CTCF: variants seen among roughly 807,000 people sequenced by gnomAD.
CTCF encodes CCCTC-binding factor.
Under a neutral mutation model 72.3 loss-of-function variants are expected in CTCF, and 7 were observed. The ratio of observed to expected loss-of-function variants is 0.10; its 90% CI spans 0.06 to 0.18. The LOEUF is 0.18. CTCF is among the 10% of genes least tolerant of loss of function. CTCF has a pLI of 1.00. For synonymous variants in CTCF, 374 were observed against 315.8 expected, an observed-to-expected ratio of 1.18 and a Z score of -1.95; for missense variants, 516 against 949.1, an observed-to-expected ratio of 0.54 and a Z score of 6.00.
chr16:67,610,709 T>C (rs1328874457), intron 2 of CTCF, 115 bp from the exon 3 acceptor site: 29 of 709,916 alleles, frequency 4.1e-5, no homozygotes, highest in Non-Finnish European at 5.9e-5. Flanking sequence ...TTTTTTAATA[T>C]TAACAACCAT....
intron 2 of CTCF, among the ~76,000 whole-genome samples, chr16:67,576,157 A>AAC (rs2051493658): frequency 6.6e-6 from 1 of 151,472 alleles, no homozygotes; most frequent in African/African-American, 2.4e-5. Flanking sequence ...AAAAAAAAAA[A>AAC]AAAAACGGAA....
chr16:67,613,547 G>C (rs1191564587), intron 4 of CTCF, among the ~76,000 whole-genome samples: 1 of 152,122 alleles, frequency 6.6e-6, no homozygotes, highest in East Asian at 1.9e-4. Flanking sequence ...TCCAATGGGG[G>C]GTAGATGACC....
At chr16:67,628,105 C>A (rs966699935) in intron 8 of CTCF, among the ~76,000 whole-genome samples, 15 of 151,262 alleles carry the variant, frequency 9.9e-5, no homozygotes, top group Non-Finnish European at 1.6e-4. Flanking sequence ...AAAAAAAAAA[C>A]AAAAAAAATT....
chr16:67,636,927 T>C (rs2052439265), intron 11 of CTCF, 76 bp downstream of exon 11: 2 of 1,294,140 alleles, frequency 1.5e-6, no homozygotes, highest in Non-Finnish European at 2.0e-6. Context: ...TCCTTGTTCT[T>C]TGGGGATGTG....
intron 2 of CTCF, among the ~76,000 whole-genome samples, chr16:67,579,725 C>T (rs1305369371): frequency 1.3e-5 from 2 of 152,192 alleles, no homozygotes; most frequent in African/African-American, 2.4e-5. Flanking sequence ...GAGAAAAATA[C>T]CCTAGTAGTA....
At chr16:67,625,138 G>A (rs1207860825) in intron 7 of CTCF, among the ~76,000 whole-genome samples, 1 of 151,866 alleles carries the variant, frequency 6.6e-6, no homozygotes, top group Non-Finnish European at 1.5e-5. Flanking sequence ...TGTTGGCCAG[G>A]CCAGGTCTCA....
intron 10 of CTCF, among the ~76,000 whole-genome samples, chr16:67,635,275 C>T (rs1269760488): frequency 2.0e-5 from 3 of 152,152 alleles, no homozygotes; most frequent in Non-Finnish European, 4.4e-5. Flanking sequence ...CCGCCTCAGC[C>T]TCCCAAAGTG....
intron 4 of CTCF, chr16:67,612,364 C>A: frequency 3.1e-6 from 1 of 318,454 alleles, no homozygotes; most frequent in Non-Finnish European, 5.7e-6. Context: ...CAATAGATGC[C>A]TGGTACTATG....
intron 8 of CTCF, chr16:67,627,002 G>A: frequency 3.9e-6 from 1 of 256,124 alleles, no homozygotes; most frequent in Non-Finnish European, 7.4e-6. Context: ...CTCATGCGGG[G>A]ACATGACTGT....
chr16:67,582,593 T>C (rs2051599817), intron 2 of CTCF, among the ~76,000 whole-genome samples: 1 of 151,814 alleles, frequency 6.6e-6, no homozygotes, highest in South Asian at 2.1e-4. Context: ...CTTGGGAGGC[T>C]CAGGCACAAG....
At chr16:67,621,617 G>A in intron 7 of CTCF, 26 bp downstream of exon 7, 1 of 1,537,092 alleles carries the variant, frequency 6.5e-7, no homozygotes, top group Admixed American at 1.8e-5. Flanking sequence ...AGTGAGAAGT[G>A]AAAAAAATAT....
At chr16:67,620,196 C>G (rs545519185) in intron 5 of CTCF, among the ~76,000 whole-genome samples, 2 of 151,570 alleles carry the variant, frequency 1.3e-5, no homozygotes, top group East Asian at 1.9e-4. Flanking sequence ...TAAACAGTTA[C>G]TAGTAATGCG....
At chr16:67,604,736 TTTTTTTTTGTTTTTTG>T (rs1057487077) in intron 2 of CTCF, among the ~76,000 whole-genome samples, 9 of 136,438 alleles carry the variant, frequency 6.6e-5, no homozygotes, top group Admixed American at 1.4e-4. Context: ...CAGGGTTTTT[TTTTTTTTTGTTTTTTG>T]TTTTTTTTTT....
chr16:67,626,055 C>T (rs1349105721), intron 7 of CTCF, among the ~76,000 whole-genome samples: 1 of 152,050 alleles, frequency 6.6e-6, no homozygotes, highest in Non-Finnish European at 1.5e-5. Context: ...TCCCACCTAT[C>T]CTGTTTGAAC....
rs537475170 is a variant in CTCF, at chr16:67,592,302, C to T, written c.-9-18522C>T. On this transcript the variant is annotated intron_variant, in intron 2 of 11. Coordinates refer to ENST00000264010, the MANE Select transcript of CTCF (RefSeq NM_006565.4). ...TGGTGTACGCCTGTGATCCCAGCTG[C>T]TCAGGAGGCTGAGGCAGGAGAATTG... 2.0e-5 allele frequency among the ~76,000 whole-genome samples: 3 copies of T among 152,018 alleles called. No individual in the cohort carries two copies. The East Asian group carries it at 5.8e-4, about 29-fold the overall frequency.
At chr16:67,631,417 G>A (rs185773346) in intron 10 of CTCF, among the ~76,000 whole-genome samples, 2 of 151,858 alleles carry the variant, frequency 1.3e-5, no homozygotes, top group East Asian at 1.9e-4. Flanking sequence ...CATCCGCCTC[G>A]GCCTCCCAAA....
intron 2 of CTCF, among the ~76,000 whole-genome samples, chr16:67,582,557 G>C (rs1354537704): frequency 1.3e-5 from 2 of 152,032 alleles, no homozygotes; most frequent in Non-Finnish European, 2.9e-5. Context: ...GCCGAATATG[G>C]TGGTGGGTGC....
chr16:67,624,067 A>ATG (rs1330400010), intron 7 of CTCF, among the ~76,000 whole-genome samples: 10 of 96,348 alleles, frequency 1.0e-4, no homozygotes, highest in Non-Finnish European at 1.5e-4. Context: ...AAAAAAAATT[A>ATG]TATATGTGTG....
At chr16:67,602,377 A>C (rs1176021721) in intron 2 of CTCF, among the ~76,000 whole-genome samples, 1 of 152,160 alleles carries the variant, frequency 6.6e-6, no homozygotes, top group Non-Finnish European at 1.5e-5. Context: ...CCACATTTAC[A>C]TTCACAGCAT....
Sources: gnomAD v4.1 joint callset for allele counts (sites outside exome capture counted in the v4.1 genomes callset) on GRCh38, gnomAD v4.1.1 for gene constraint, MANE v1.5 for transcripts, NCBI Gene and HGNC (gene_info 2026-07-23, HGNC 2026-07-21) for gene names.